DNMT1: variants seen among roughly 807,000 people sequenced by gnomAD.
DNMT1 encodes the protein DNA methyltransferase 1.
DNMT1 carries 24 observed loss-of-function variants against 205.3 expected under a neutral mutation model. The observed-to-expected ratio is 0.12, with a 90% CI of 0.08 to 0.16. The LOEUF (loss-of-function observed/expected upper bound fraction) is 0.16, where lower values mean the gene tolerates loss of function less well. Among genes scored for constraint, DNMT1 ranks in the 10% least tolerant of loss-of-function variants. The pLI, the probability that DNMT1 is intolerant of heterozygous loss-of-function variation, is 1.00. For synonymous variants in DNMT1, 817 were observed against 839.8 expected (o/e 0.97, Z 0.47); for missense variants, 1,293 against 2,177.7 (o/e 0.59, Z 8.09).
Position 10,154,489 on chromosome 19 carries a change from A to T in DNMT1, c.1833-10T>A, listed in dbSNP as rs2038414149. On this transcript the variant is annotated splice_polypyrimidine_tract_variant and intron_variant, in intron 21 of 40. Transcript: ENST00000359526. This position sits in a 1 kb window ranked among gnomAD's most constrained non-coding sequence, Gnocchi z 6.3. ...CCTCGCCTGGGCTCGCCTACGGGAG[A>T]GGTTCCAGCATCTCAGAGGACTGGG... 1 of 1,613,894 alleles carries T rather than the reference A, an allele frequency of 6.2e-7. No homozygotes were observed. The highest frequency in any genetic ancestry group is 8.5e-7 in the Non-Finnish European group (1 of 1,180,016).
chr19:10,192,425 C>T (rs1238708145), intron 1 of DNMT1, among the ~76,000 whole-genome samples: 1 of 152,004 alleles, frequency 6.6e-6, no homozygotes, highest in Non-Finnish European at 1.5e-5. Flanking sequence ...AGGTGGCATA[C>T]GCTTGTTTAA....
chr19:10,156,923 C>G lies in DNMT1; in HGVS notation c.1281-414G>C, dbSNP rs566000429. Among the ~76,000 whole-genome samples, 4 of 152,214 alleles carry G rather than the reference C, an allele frequency of 2.6e-5. No individual in the cohort carries two copies. The South Asian group carries it at 8.3e-4, about 31-fold the overall frequency. ...TGAACCACCATGCCTGGCCCCGACA[C>G]TCATTTTTTGGTTGCGGGAACACTG... On this transcript the variant is annotated intron_variant, in intron 17 of 40. Transcript: ENST00000359526. The surrounding 1 kb of genome is among the most constrained non-coding windows in gnomAD (Gnocchi z 4.2).
chr19:10,148,994 C>T lies in DNMT1; in HGVS notation c.2610G>A (p.Leu870=). 6.2e-7 allele frequency: 1 copy of T among 1,614,132 alleles called. No individual in the cohort carries two copies. The highest frequency in any genetic ancestry group is 8.5e-7 in the Non-Finnish European group (1 of 1,180,030). ...AGGTCTTCCCGTCGTCCCCCTCCAG[C>T]AGGGACTCGGGATCCATGCCTCCCT... The part of the protein sequence containing the change: ...AMEGGMDPES[L]LEGDDGKTYF... The change falls in exon 27 of 41, where the codon CTG becomes CTA. Residue 870 remains leucine (L), a synonymous_variant. Coordinates refer to ENST00000359526, the MANE Select transcript of DNMT1 (RefSeq NM_001130823.3).
At chr19:10,171,535 G>A (rs963078132) in intron 9 of DNMT1, among the ~76,000 whole-genome samples, 2 of 152,140 alleles carry the variant, frequency 1.3e-5, no homozygotes, top group African/African-American at 4.8e-5. Context: ...GCTAGGCGCG[G>A]TGGTTCACGC....
Position 10,148,453 on chromosome 19 carries a change from A to G in DNMT1, c.2720+431T>C, listed in dbSNP as rs143293612. Among the ~76,000 whole-genome samples the G allele has an allele frequency of 9.9e-3, 1,477 of 148,494 alleles. 9 individuals are homozygous for G. Among genetic ancestry groups the G allele is most frequent in the Non-Finnish European group, 0.018 (1,180 of 67,146 alleles). ...TGAGTTTGCAGTAAGCCAAGATCGC[A>G]CCACTGCACTCCAGCCTGGGCAACA... is the stretch of plus-strand genomic sequence containing the variant. On this transcript the variant is annotated intron_variant, in intron 27 of 40. Transcript: ENST00000359526.
chr19:10,181,891 T>C (rs919355666), intron 2 of DNMT1, 150 bp downstream of exon 2: 13 of 677,790 alleles, frequency 1.9e-5, no homozygotes, highest in Non-Finnish European at 3.3e-5. Flanking sequence ...AGCAAATTAG[T>C]GCTGACATTT....
intron 10 of DNMT1, among the ~76,000 whole-genome samples, chr19:10,167,031 G>A (rs567069945): frequency 3.9e-5 from 6 of 152,250 alleles, no homozygotes; most frequent in South Asian, 2.1e-4. Flanking sequence ...GCTGATGTGC[G>A]ATCAGCGTCA....
At chr19:10,148,332 T>C (rs1171752188) in intron 27 of DNMT1, among the ~76,000 whole-genome samples, 3 of 147,732 alleles carry the variant, frequency 2.0e-5, no homozygotes, top group Admixed American at 6.7e-5. Flanking sequence ...TCGTCTCTAC[T>C]AAAAATACAA....
chr19:10,188,198 G>T (rs2039232051), intron 1 of DNMT1, among the ~76,000 whole-genome samples: 1 of 152,170 alleles, frequency 6.6e-6, no homozygotes, highest in African/African-American at 2.4e-5. Context: ...CAGGCCGGCT[G>T]CATGGCAGCT....
intron 3 of DNMT1, 95 bp downstream of exon 3, chr19:10,180,683 G>A: frequency 6.8e-7 from 1 of 1,477,380 alleles, no homozygotes; most frequent in South Asian, 1.1e-5. Context: ...ATCAGGCAAT[G>A]AGGACAGCTG....
chr19:10,160,341 A>G (rs2038542549), intron 14 of DNMT1, 43 bp downstream of exon 14: 7 of 1,613,548 alleles, frequency 4.3e-6, no homozygotes, highest in Non-Finnish European at 5.9e-6. Context: ...CATCATTTTA[A>G]CATTACCATC....
At chr19:10,149,406 A>AC in intron 26 of DNMT1, 47 bp downstream of exon 26, 3 of 1,593,692 alleles carry the variant, frequency 1.9e-6, no homozygotes, top group Non-Finnish European at 2.6e-6. Flanking sequence ...GTCAGCAGTG[A>AC]CCCTCCACGA....
intron 1 of DNMT1, among the ~76,000 whole-genome samples, chr19:10,189,028 C>A (rs547875141): frequency 2.0e-4 from 31 of 152,238 alleles, no homozygotes; most frequent in African/African-American, 7.5e-4. Flanking sequence ...TTCTGACCTG[C>A]ATAAGGTAAT....
chr19:10,190,765 A>AAAAATAAAATAAAATAAAAT (rs71188886), intron 1 of DNMT1, among the ~76,000 whole-genome samples: 25 of 134,644 alleles, frequency 1.9e-4, no homozygotes, highest in African/African-American at 5.7e-4. Flanking sequence ...ACTCTGTCTC[A>AAAAATAAAATAAAATAAAAT]AAAATAAAAT....
intron 39 of DNMT1, among the ~76,000 whole-genome samples, chr19:10,135,191 C>T (rs544549457): frequency 2.0e-4 from 25 of 123,754 alleles, no homozygotes; most frequent in African/African-American, 7.0e-4. Context: ...CCAGCCTGGG[C>T]GAAAGAACAA....
At chr19:10,167,905 C>T (rs2038728562) in intron 10 of DNMT1, among the ~76,000 whole-genome samples, 1 of 151,944 alleles carries the variant, frequency 6.6e-6, no homozygotes, top group East Asian at 1.9e-4. Context: ...AGGTGGGTCA[C>T]GGAGGTCAGG....
At chr19:10,174,314 G>A (rs562075986) in intron 7 of DNMT1, among the ~76,000 whole-genome samples, 3 of 152,100 alleles carry the variant, frequency 2.0e-5, no homozygotes, top group Non-Finnish European at 4.4e-5. Context: ...TGCTTGGGAG[G>A]GTGAGGTGGG....
At chr19:10,180,922 C>T (rs1296424819) in intron 2 of DNMT1, 37 bp from the exon 3 acceptor site, 2 of 1,565,682 alleles carry the variant, frequency 1.3e-6, no homozygotes, top group Admixed American at 3.4e-5. Flanking sequence ...TACCCACATT[C>T]CCAAGCTATT....
chr19:10,154,877 C>T lies in DNMT1; in HGVS notation c.1644+28G>A, dbSNP rs201136448. On this transcript the variant is annotated intron_variant, in intron 20 of 40. Coordinates refer to ENST00000359526, the MANE Select transcript of DNMT1 (RefSeq NM_001130823.3). The surrounding 1 kb of genome is among the most constrained non-coding windows in gnomAD (Gnocchi z 6.3). The stretch of plus-strand genomic sequence containing the variant: ...GAAGGCAAGTTTCCAGTGGGAATCC[C>T]GGATGCTGAGGACCCTCGATCTCTT... The T allele has an allele frequency of 1.4e-5, 22 of 1,614,176 alleles. No individual in the cohort carries two copies. The East Asian group carries it at 1.6e-4, about 11-fold the overall frequency.
Sources: allele counts gnomAD v4.1 joint callset (sites outside exome capture counted in the v4.1 genomes callset), GRCh38; gene constraint gnomAD v4.1.1; non-coding constraint Gnocchi (gnomAD v3.1); transcripts MANE v1.5; gene names NCBI Gene and HGNC (gene_info 2026-07-23, HGNC 2026-07-21).